The following DACH1 variants were observed in gnomAD, a reference collection of about 807,000 sequenced individuals.
DACH1 encodes dachshund homolog 1.
Under a neutral mutation model 54.2 loss-of-function variants are expected in DACH1, and 12 were observed. The observed-to-expected ratio is 0.22, with a 90% CI of 0.14 to 0.36. The LOEUF (loss-of-function observed/expected upper bound fraction) is 0.36, where lower values mean the gene tolerates loss of function less well. DACH1 is among the 10% of genes least tolerant of loss of function. The pLI is 1.00. For synonymous variants in DACH1, 386 were observed against 366.2 expected (o/e 1.05, Z -0.62); for missense variants, 805 against 929.8 (o/e 0.87, Z 1.75).
At chr13:71,811,616 T>A (rs1344067866) in intron 1 of DACH1, among the ~76,000 whole-genome samples, 3 of 152,198 alleles carry the variant, frequency 2.0e-5, no homozygotes, top group Non-Finnish European at 4.4e-5. Flanking sequence ...GAATAAGTAT[T>A]AAGTATACTT....
chr13:71,671,632 TA>T (rs1466036290), intron 2 of DACH1, among the ~76,000 whole-genome samples: 6 of 152,150 alleles, frequency 3.9e-5, no homozygotes, highest in African/African-American at 1.4e-4. Context: ...ACAGTAATTC[TA>T]AAGTGGGAAA....
intron 1 of DACH1, among the ~76,000 whole-genome samples, chr13:71,860,187 T>G (rs1374095241): frequency 1.3e-5 from 2 of 151,052 alleles, no homozygotes; most frequent in Non-Finnish European, 3.0e-5. Context: ...ATTAATATAC[T>G]ACATATAATA....
intron 10 of DACH1, among the ~76,000 whole-genome samples, chr13:71,442,028 A>G (rs555060736): frequency 6.6e-6 from 1 of 152,222 alleles, no homozygotes; most frequent in South Asian, 2.1e-4. Context: ...TCAAACACTT[A>G]TCCTCTGTGT....
chr13:71,816,691 C>CAT (rs548046223), intron 1 of DACH1, among the ~76,000 whole-genome samples: 2,882 of 143,150 alleles, frequency 0.02, 101 homozygotes, highest in African/African-American at 0.068. Flanking sequence ...TATATATACA[C>CAT]ATATATATAT....
intron 6 of DACH1, among the ~76,000 whole-genome samples, chr13:71,541,569 C>A (rs1356372309): frequency 6.6e-6 from 1 of 152,182 alleles, no homozygotes; most frequent in African/African-American, 2.4e-5. Flanking sequence ...GATTTGTATA[C>A]ATATCTTATT....
At chr13:71,580,643 T>C (rs1331682238) in intron 3 of DACH1, among the ~76,000 whole-genome samples, 2 of 152,146 alleles carry the variant, frequency 1.3e-5, no homozygotes, top group African/African-American at 2.4e-5. Flanking sequence ...ACAAGTGAGA[T>C]GGTATGTTTT....
chr13:71,645,200 T>C (rs1464003310), intron 2 of DACH1, among the ~76,000 whole-genome samples: 2 of 152,148 alleles, frequency 1.3e-5, no homozygotes, highest in Non-Finnish European at 2.9e-5. Flanking sequence ...GGAAGAGCAA[T>C]TGATAAACAT....
chr13:71,659,033 C>T (rs1879323922), intron 2 of DACH1, among the ~76,000 whole-genome samples: 1 of 152,004 alleles, frequency 6.6e-6, no homozygotes, highest in African/African-American at 2.4e-5. Context: ...AAAGAAATGC[C>T]TTTTAACCAG....
At chr13:71,631,823 G>GT (rs1877122592) in intron 2 of DACH1, among the ~76,000 whole-genome samples, 1 of 152,186 alleles carries the variant, frequency 6.6e-6, no homozygotes, top group African/African-American at 2.4e-5. Flanking sequence ...TTTGAGCCGG[G>GT]TGCAGTAGCA....
chr13:71,688,029 C>T (rs1881270149), intron 1 of DACH1, among the ~76,000 whole-genome samples: 1 of 152,210 alleles, frequency 6.6e-6, no homozygotes. Context: ...TTGCCTCTAT[C>T]TCATATAATT....
intron 1 of DACH1, among the ~76,000 whole-genome samples, chr13:71,691,998 A>C (rs1224104515): frequency 1.4e-5 from 2 of 145,118 alleles, no homozygotes; most frequent in African/African-American, 5.2e-5. Flanking sequence ...CCATAGAGGC[A>C]TAGCCCCCCA....
chr13:71,597,218 T>C (rs985916866), intron 3 of DACH1, among the ~76,000 whole-genome samples: 5 of 152,172 alleles, frequency 3.3e-5, no homozygotes, highest in Non-Finnish European at 5.9e-5. Context: ...AAAATAACAC[T>C]AGGTCACTAT....
intron 6 of DACH1, among the ~76,000 whole-genome samples, chr13:71,501,619 G>A (rs1159111072): frequency 2.0e-5 from 3 of 152,072 alleles, no homozygotes; most frequent in Non-Finnish European, 4.4e-5. Flanking sequence ...GTAGGCATAT[G>A]GGAATTCAGT....
At chr13:71,778,353 A>G (rs949949803) in intron 1 of DACH1, among the ~76,000 whole-genome samples, 2 of 152,046 alleles carry the variant, frequency 1.3e-5, no homozygotes, top group Non-Finnish European at 2.9e-5. Context: ...ATTTTGAGAT[A>G]TACATTTTAC....
At chr13:71,771,589 T>C (rs1181625911) in intron 1 of DACH1, among the ~76,000 whole-genome samples, 2 of 151,512 alleles carry the variant, frequency 1.3e-5, no homozygotes, top group East Asian at 3.9e-4. Context: ...ACATTTTTCT[T>C]GTTACAAAGA....
chr13:71,604,237 C>G (rs572117120), intron 3 of DACH1, among the ~76,000 whole-genome samples: 1 of 151,906 alleles, frequency 6.6e-6, no homozygotes, highest in Non-Finnish European at 1.5e-5. Flanking sequence ...TTATCTCATA[C>G]TTTAAAATGT....
chr13:71,722,253 T>G (rs1256085455), intron 1 of DACH1, among the ~76,000 whole-genome samples: 1 of 152,190 alleles, frequency 6.6e-6, no homozygotes, highest in African/African-American at 2.4e-5. Flanking sequence ...TCCCTCCATA[T>G]TGACATTTGT....
intron 1 of DACH1, among the ~76,000 whole-genome samples, chr13:71,698,037 T>A (rs1325140369): frequency 6.6e-6 from 1 of 151,994 alleles, no homozygotes; most frequent in Non-Finnish European, 1.5e-5. Context: ...TTTAAGACAA[T>A]TAATTCTGAA....
intron 3 of DACH1, among the ~76,000 whole-genome samples, chr13:71,607,318 C>T (rs1874947255): frequency 6.6e-6 from 1 of 151,772 alleles, no homozygotes. Context: ...TGTATACAGG[C>T]TTATTATTGT....
Sources: gnomAD v4.1 joint callset for allele counts (sites outside exome capture counted in the v4.1 genomes callset) on GRCh38, gnomAD v4.1.1 for gene constraint, MANE v1.5 for transcripts, NCBI Gene and HGNC (gene_info 2026-07-23, HGNC 2026-07-21) for gene names.